SEMA5B: variants seen among roughly 807,000 people sequenced by gnomAD.
SEMA5B encodes semaphorin-5B.
A neutral mutation model predicts 135.0 loss-of-function variants in SEMA5B; 66 were observed. The observed-to-expected ratio is 0.49, with a 90% CI of 0.40 to 0.60. The LOEUF (loss-of-function observed/expected upper bound fraction) is 0.60. SEMA5B is among the 20% of genes least tolerant of loss of function. The pLI is 0.00. For synonymous variants in SEMA5B, 690 were observed against 639.5 expected (o/e 1.08, Z -1.19); for missense variants, 1,501 against 1,566.3 (o/e 0.96, Z 0.70).
rs1320936576 is a variant in SEMA5B at position 122,909,202 on chromosome 3, A to T, written c.*941T>A. The T allele has an allele frequency of 6.6e-6, 1 of 152,648 alleles. No homozygotes were observed. The highest frequency in any genetic ancestry group is 2.4e-5 in the African/African-American group (1 of 41,450). 9.5% of individuals were successfully genotyped at this position (152,648 alleles called of 1,614,324 possible). A position where few individuals can be genotyped will look rare whatever the true frequency, so the allele number is the denominator to read the frequency against. ...ATGCACAGAGACATTTGGAGACTGG[A>T]TATCATCTTTAATTAATAATGCCAC... On this transcript the variant is annotated 3_prime_UTR_variant, in exon 23 of 23. Transcript: ENST00000357599.
At chr3:122,978,595 G>A (rs369666682) in intron 1 of SEMA5B, among the ~76,000 whole-genome samples, 2 of 152,224 alleles carry the variant, frequency 1.3e-5, no homozygotes, top group South Asian at 2.1e-4. Context: ...AGAGACTCTC[G>A]GTGGTGGGTT....
chr3:122,912,566 G>A (rs1937793183), intron 18 of SEMA5B, among the ~76,000 whole-genome samples: 2 of 151,516 alleles, frequency 1.3e-5, no homozygotes, highest in Non-Finnish European at 2.9e-5. Context: ...GAGAGAGACC[G>A]ACTCCACCTC....
At chr3:122,913,501 A>G (rs762550980) in intron 16 of SEMA5B, 33 bp downstream of exon 16, 94 of 1,598,124 alleles carry the variant, frequency 5.9e-5, no homozygotes, top group Non-Finnish European at 7.6e-5. Context: ...AGTACCCTAC[A>G]CCGCGCCCCT....
chr3:122,988,514 G>T (rs538954207), intron 1 of SEMA5B, among the ~76,000 whole-genome samples: 1 of 152,368 alleles, frequency 6.6e-6, no homozygotes, highest in South Asian at 2.1e-4. Flanking sequence ...ACAGCAGCAG[G>T]AGGAAGAGAG....
chr3:122,914,233 C>G (rs1937943760), intron 14 of SEMA5B, among the ~76,000 whole-genome samples: 1 of 152,226 alleles, frequency 6.6e-6, no homozygotes, highest in Non-Finnish European at 1.5e-5. Flanking sequence ...ATGCTGTGCT[C>G]AGGACTAAGG....
intron 1 of SEMA5B, among the ~76,000 whole-genome samples, chr3:123,011,006 C>T (rs1224812855): frequency 6.6e-6 from 1 of 152,130 alleles, no homozygotes; most frequent in African/African-American, 2.4e-5. Context: ...TGGGGGCAGA[C>T]AGCCCGTCCT....
At position 122,921,242 on chromosome 3, in the gene SEMA5B, C is replaced by T. The variant is rs372239386; in HGVS notation, c.1688+673G>A. Among the ~76,000 whole-genome samples the T allele has an allele frequency of 3.3e-5, 5 of 152,330 alleles. No individual in the cohort carries two copies. The East Asian group carries it at 7.7e-4, about 24-fold the overall frequency. On this transcript the variant is annotated intron_variant, in intron 12 of 22. Coordinates refer to ENST00000357599, the MANE Select transcript of SEMA5B (RefSeq NM_001031702.4). ...ATGAGGCCATGCAGCCTGGGAGAGC[C>T]TCGGGTGGTAGGAGTCTGGGCTACA...
chr3:122,943,327 T>C (rs966318396), intron 4 of SEMA5B, 109 bp downstream of exon 4: 1 of 713,138 alleles, frequency 1.4e-6, no homozygotes, highest in African/African-American at 1.8e-5. Flanking sequence ...GCAGAGAGGA[T>C]GGGGCCCAGC....
At chr3:122,924,136 T>C (rs987966416) in intron 9 of SEMA5B, among the ~76,000 whole-genome samples, 1 of 152,182 alleles carries the variant, frequency 6.6e-6, no homozygotes, top group Non-Finnish European at 1.5e-5. Flanking sequence ...CCTTACTAAA[T>C]ATGTTAACAC....
At chr3:122,936,060 G>T (rs1268542595) in intron 5 of SEMA5B, among the ~76,000 whole-genome samples, 1 of 152,138 alleles carries the variant, frequency 6.6e-6, no homozygotes, top group East Asian at 1.9e-4. Flanking sequence ...CATTCTCTCT[G>T]TTGTTGTGAA....
intron 1 of SEMA5B, chr3:122,976,176 C>A: frequency 6.6e-7 from 1 of 1,519,246 alleles, no homozygotes; most frequent in Non-Finnish European, 8.8e-7. Flanking sequence ...TGTGCAGATG[C>A]AAGAAGTGCT....
intron 5 of SEMA5B, among the ~76,000 whole-genome samples, chr3:122,932,612 C>T (rs1158407424): frequency 6.6e-6 from 1 of 152,170 alleles, no homozygotes; most frequent in Admixed American, 6.5e-5. Flanking sequence ...CGCTGGGCAG[C>T]AAGCCATACT....
intron 1 of SEMA5B, among the ~76,000 whole-genome samples, chr3:123,008,342 G>A (rs1166021315): frequency 6.6e-6 from 1 of 152,228 alleles, no homozygotes; most frequent in East Asian, 1.9e-4. Flanking sequence ...CATGGGGACA[G>A]GGTTCTTGTC....
chr3:122,990,977 C>T (rs1941855963), intron 1 of SEMA5B, among the ~76,000 whole-genome samples: 1 of 152,332 alleles, frequency 6.6e-6, no homozygotes, highest in East Asian at 1.9e-4. Flanking sequence ...TACATATATG[C>T]ACACGCGTGT....
chr3:122,932,769 G>A (rs934492105), intron 5 of SEMA5B, among the ~76,000 whole-genome samples: 6 of 152,138 alleles, frequency 3.9e-5, no homozygotes, highest in African/African-American at 1.4e-4. Context: ...TGCTGTGTGT[G>A]TGTCTTTCTT....
intron 7 of SEMA5B, among the ~76,000 whole-genome samples, chr3:122,928,236 G>C (rs1176936724): frequency 1.3e-5 from 2 of 152,154 alleles, no homozygotes; most frequent in African/African-American, 4.8e-5. Flanking sequence ...TCCAAGGTAA[G>C]GCTGACCAAC....
rs369813126 is a variant in SEMA5B, at chr3:122,943,841, T to C, written c.329-306A>G. ...CACTAGCCACATAAGTACACACTGG[T>C]AAATCCTGCCTGTTCTACCTCTACA... is the stretch of plus-strand genomic sequence containing the variant. On this transcript the variant is annotated intron_variant, in intron 3 of 22. Coordinates refer to ENST00000357599, the MANE Select transcript of SEMA5B (RefSeq NM_001031702.4). Among the ~76,000 whole-genome samples the C allele has an allele frequency of 6.6e-5, 10 of 152,286 alleles. 1 individual carries two copies. The highest frequency in any genetic ancestry group is 6.5e-5 in the Admixed American group (1 of 15,310).
At chr3:123,018,362 C>A (rs1176866613) in intron 1 of SEMA5B, among the ~76,000 whole-genome samples, 1 of 152,254 alleles carries the variant, frequency 6.6e-6, no homozygotes, top group African/African-American at 2.4e-5. Flanking sequence ...AGTCCTGCTT[C>A]TTTTGTGGTT....
chr3:122,997,297 C>T (rs1285314352), intron 1 of SEMA5B, among the ~76,000 whole-genome samples: 1 of 152,122 alleles, frequency 6.6e-6, no homozygotes, highest in Non-Finnish European at 1.5e-5. Flanking sequence ...TCTTCACCTC[C>T]CCTCTCCTCA....
Sources: allele counts gnomAD v4.1 joint callset (sites outside exome capture counted in the v4.1 genomes callset), GRCh38; gene constraint gnomAD v4.1.1; transcripts MANE v1.5; gene names NCBI Gene and HGNC (gene_info 2026-07-23, HGNC 2026-07-21).